SRGAP3: variants seen among roughly 807,000 people sequenced by gnomAD.
SRGAP3 encodes SLIT-ROBO Rho GTPase activating protein 3.
A neutral mutation model predicts 121.1 loss-of-function variants in SRGAP3; 39 were observed. The observed-to-expected ratio is 0.32, with a 90% CI of 0.25 to 0.42. The LOEUF (loss-of-function observed/expected upper bound fraction) is 0.42. Ranked by LOEUF, SRGAP3 falls within the 10% of genes least tolerant of loss-of-function variation. The pLI is 1.00. For synonymous variants in SRGAP3, 601 were observed against 570.0 expected, an observed-to-expected ratio of 1.05 and a Z score of -0.77; for missense variants, 1,213 against 1,470.6, an observed-to-expected ratio of 0.82 and a Z score of 2.86.
At chr3:9,042,782 C>T (rs566906325) in intron 10 of SRGAP3, among the ~76,000 whole-genome samples, 2 of 152,324 alleles carry the variant, frequency 1.3e-5, no homozygotes, top group South Asian at 2.1e-4. Context: ...AGTGGTCAGG[C>T]GATGGCCTGG....
intron 1 of SRGAP3, among the ~76,000 whole-genome samples, chr3:9,199,991 A>G (rs988811269): frequency 6.6e-6 from 1 of 152,250 alleles, no homozygotes; most frequent in African/African-American, 2.4e-5. Context: ...TATGAATTGC[A>G]AGTCACACTG....
intron 3 of SRGAP3, among the ~76,000 whole-genome samples, chr3:9,297,849 T>C (rs1954977911): frequency 6.6e-6 from 1 of 150,778 alleles, no homozygotes. Flanking sequence ...TGAGCCAAGA[T>C]GGCACTACTG....
At chr3:9,137,240 CTCTG>C (rs767700551) in intron 1 of SRGAP3, among the ~76,000 whole-genome samples, 4 of 152,200 alleles carry the variant, frequency 2.6e-5, no homozygotes, top group African/African-American at 9.7e-5. Context: ...GGTTTTTACG[CTCTG>C]TCTTTCGCCA....
chr3:9,107,435 C>T (rs189882006), intron 2 of SRGAP3, among the ~76,000 whole-genome samples: 9 of 152,352 alleles, frequency 5.9e-5, no homozygotes, highest in African/African-American at 1.4e-4. Context: ...ACCAGGCACG[C>T]GGCCTCTTCT....
rs1454245858 is a variant in SRGAP3, at chr3:9,053,094, T to G, written c.1256A>C (p.Tyr419Ser). The G allele has an allele frequency of 6.2e-7, 1 of 1,614,112 alleles. No homozygotes were observed. The highest frequency in any genetic ancestry group is 8.5e-7 in the Non-Finnish European group (1 of 1,180,050). Residue 419 changes from tyrosine to serine, a missense_variant, in exon 9 of 22, where the codon TAC becomes TCC. Coordinates refer to ENST00000383836, the MANE Select transcript of SRGAP3 (RefSeq NM_014850.4). ...ESVKSAASET[Y>S]MSKINIAKRR... The stretch of plus-strand genomic sequence containing the variant: ...CTTGGCAATGTTGATCTTGCTCATG[T>G]AGGTCTCAGAGGCAGCCGACTTGAC...
chr3:9,200,802 G>A (rs1196828066), intron 1 of SRGAP3, among the ~76,000 whole-genome samples: 1 of 152,170 alleles, frequency 6.6e-6, no homozygotes, highest in Non-Finnish European at 1.5e-5. Flanking sequence ...CACCATAGAC[G>A]TATTGAATCC....
At chr3:9,135,724 G>A (rs1300811569) in intron 1 of SRGAP3, among the ~76,000 whole-genome samples, 1 of 152,256 alleles carries the variant, frequency 6.6e-6, no homozygotes, top group African/African-American at 2.4e-5. Flanking sequence ...GGCACCTGGT[G>A]GACCCTCGGC....
intron 3 of SRGAP3, among the ~76,000 whole-genome samples, chr3:9,302,121 A>G (rs74557115): frequency 0.035 from 5,376 of 152,206 alleles, 203 homozygotes; most frequent in Admixed American, 0.13. Context: ...CGGTGACCCA[A>G]TGAGGTAAGT....
In SRGAP3 at chr3:9,164,681, A is replaced by G. The variant is rs572910794; in HGVS notation, c.68-39764T>C. On this transcript the variant is annotated intron_variant, in intron 1 of 21. Transcript: ENST00000383836. ...TCAGAGGCATCTGATATCACATGCT[A>G]AGCATCTCCTTGCTGGTTGAACACA... 1.2e-4 allele frequency among the ~76,000 whole-genome samples: 18 copies of G among 152,304 alleles called. No homozygotes were observed. In the South Asian group the frequency reaches 3.7e-3, roughly 32 times the overall value.
At chr3:9,088,815 T>G (rs1035725853) in intron 3 of SRGAP3, among the ~76,000 whole-genome samples, 2 of 152,148 alleles carry the variant, frequency 1.3e-5, no homozygotes. Flanking sequence ...CTGGTAATTC[T>G]AGAAGATCCA....
intron 1 of SRGAP3, chr3:9,216,543 A>G (rs932866498): frequency 3.9e-5 from 6 of 152,674 alleles, no homozygotes; most frequent in African/African-American, 7.2e-5. Flanking sequence ...TACCCTAAGA[A>G]ATGCTAGCCC....
intron 1 of SRGAP3, among the ~76,000 whole-genome samples, chr3:9,354,681 CAAAA>C (rs34026081): frequency 1.4e-5 from 1 of 70,808 alleles, no homozygotes. Context: ...GACTCCATCT[CAAAA>C]AAAAAAAAAA....
chr3:8,984,189 A>AG lies in SRGAP3; in HGVS notation c.*1329dup. On this transcript the variant is annotated 3_prime_UTR_variant, in exon 22 of 22. Transcript: ENST00000383836. ...TAAATGTTCTGGAGGGAGTGGGTGA[A>AG]GGGGGAGGGAAGGGAAGCTATGTCA... 4.3e-6 allele frequency: 1 copy of AG among 230,526 alleles called. No individual in the cohort carries two copies. Among genetic ancestry groups the AG allele is most frequent in the Non-Finnish European group, 8.6e-6 (1 of 116,386 alleles). The allele number at this position is 230,526 out of a possible 1,614,324, so 14.3% of individuals were successfully genotyped here. A position where few individuals can be genotyped will look rare whatever the true frequency, so the allele number is the denominator to read the frequency against.
intron 4 of SRGAP3, among the ~76,000 whole-genome samples, chr3:9,075,402 T>C (rs2669992): frequency 0.84 from 128,405 of 152,094 alleles, 54,349 homozygotes; most frequent in African/African-American, 0.89. Context: ...CGCGCGCACA[T>C]ATGTGCATAA....
At position 9,302,052 on chromosome 3, in the gene SRGAP3, G is replaced by A. The variant is rs564322682; in HGVS notation, n.442+23958C>T. Reference sequence around the variant, plus strand: ...CTTGCCGAGAGCTAACATTTTTATTGTGCTTATCATGTGCTTACAACCGTC... The same window carrying A: ...CTTGCCGAGAGCTAACATTTTTATTATGCTTATCATGTGCTTACAACCGTC... On this transcript the variant is annotated intron_variant and non_coding_transcript_variant, in intron 3 of 3. Coordinates refer to the SRGAP3 transcript ENST00000490889. Among the ~76,000 whole-genome samples the A allele has an allele frequency of 3.7e-4, 56 of 152,270 alleles. 1 individual carries two copies. The South Asian group carries it at 0.012, about 32-fold the overall frequency.
chr3:9,119,244 G>A (rs1042828995), intron 2 of SRGAP3, among the ~76,000 whole-genome samples: 8 of 152,176 alleles, frequency 5.3e-5, no homozygotes, highest in African/African-American at 1.9e-4. Context: ...CTCTCTGAGA[G>A]GTTTCCTGGC....
At chr3:9,194,313 A>G (rs1213163408) in intron 1 of SRGAP3, 1 of 152,162 alleles carries the variant, frequency 6.6e-6, no homozygotes, top group Non-Finnish European at 1.5e-5. Context: ...AAGTAATTTC[A>G]TATTTCTGGG....
chr3:9,349,248 C>T (rs2029931054), intron 1 of SRGAP3: 2 of 557,242 alleles, frequency 3.6e-6, no homozygotes, highest in Non-Finnish European at 6.8e-6. Context: ...ATCGCGTCCC[C>T]CTGCCCCTCC....
chr3:9,276,017 T>C (rs1364078237), intron 3 of SRGAP3, among the ~76,000 whole-genome samples: 1 of 151,706 alleles, frequency 6.6e-6, no homozygotes, highest in Non-Finnish European at 1.5e-5. Context: ...CTGGGCAACA[T>C]AGCAAGACCC....
Sources: allele counts gnomAD v4.1 joint callset (sites outside exome capture counted in the v4.1 genomes callset), GRCh38; gene constraint gnomAD v4.1.1; transcripts MANE v1.5; gene names NCBI Gene and HGNC (gene_info 2026-07-23, HGNC 2026-07-21).